The following THSD4 variants were observed in gnomAD, a reference collection of about 807,000 sequenced individuals.
THSD4 encodes the protein thrombospondin type-1 domain-containing protein 4.
THSD4 carries 69 observed loss-of-function variants against 119.0 expected under a neutral mutation model. The observed-to-expected ratio is 0.58, with a 90% CI of 0.48 to 0.71. The LOEUF is 0.71. Among genes scored for constraint, THSD4 ranks in the 30% least tolerant of loss-of-function variants. THSD4 has a pLI of 0.00. For synonymous variants in THSD4, 524 were observed against 540.4 expected (o/e 0.97, Z 0.42); for missense variants, 1,393 against 1,391.1 (o/e 1.00, Z -0.02).
intron 8 of THSD4, among the ~76,000 whole-genome samples, chr15:71,680,342 C>T (rs989369621): frequency 1.3e-5 from 2 of 152,192 alleles, no homozygotes; most frequent in African/African-American, 4.8e-5. Flanking sequence ...AGCATAGATC[C>T]TGTCCTACAT....
chr15:71,341,694 C>G, intron 6 of THSD4: 1 of 1,273,958 alleles, frequency 7.8e-7, no homozygotes, highest in Non-Finnish European at 1.1e-6. Flanking sequence ...TTCTCCGGGT[C>G]AAGTGAATAG....
intron 7 of THSD4, among the ~76,000 whole-genome samples, chr15:71,651,882 G>A (rs1294130160): frequency 2.0e-5 from 3 of 152,168 alleles, no homozygotes; most frequent in Non-Finnish European, 4.4e-5. Context: ...GTGCCATCTT[G>A]TGGAGAAAAA....
rs200233614 is a variant in THSD4, at chr15:71,371,668, C to A, written c.1016-40019C>A. The stretch of plus-strand genomic sequence containing the variant: ...GATCCACTGTTAGTCTGATGGGCTT[C>A]CCTTTGTGGGTAAACCGACCTTTCT... On this transcript the variant is annotated intron_variant, in intron 6 of 17. Transcript: ENST00000261862. Among the ~76,000 whole-genome samples, 7 of 152,296 alleles carry A rather than the reference C, an allele frequency of 4.6e-5. No homozygotes were observed. In the East Asian group the frequency reaches 1.3e-3, roughly 29 times the overall value.
intron 6 of THSD4, among the ~76,000 whole-genome samples, chr15:71,374,212 A>T (rs919189038): frequency 6.6e-6 from 1 of 152,128 alleles, no homozygotes; most frequent in Non-Finnish European, 1.5e-5. Context: ...CAAATGGGGG[A>T]TGCAGAGGGA....
chr15:71,239,781 C>T (rs1374792107), intron 4 of THSD4, among the ~76,000 whole-genome samples: 1 of 152,152 alleles, frequency 6.6e-6, no homozygotes, highest in Non-Finnish European at 1.5e-5. Flanking sequence ...TCCGTGGAGG[C>T]CCCCCTGCAA....
intron 15 of THSD4, among the ~76,000 whole-genome samples, chr15:71,760,090 T>C (rs2053605217): frequency 6.6e-6 from 1 of 152,192 alleles, no homozygotes; most frequent in Non-Finnish European, 1.5e-5. Context: ...AAATGTTCCT[T>C]CTCACCATAT....
chr15:71,449,304 G>C (rs748902052), intron 7 of THSD4, among the ~76,000 whole-genome samples: 4 of 152,166 alleles, frequency 2.6e-5, no homozygotes, highest in African/African-American at 4.8e-5. Context: ...TAAAACTCTT[G>C]TTCCACTGAA....
At chr15:71,764,453 A>T (rs2053680921) in intron 15 of THSD4, among the ~76,000 whole-genome samples, 2 of 152,240 alleles carry the variant, frequency 1.3e-5, no homozygotes, top group Admixed American at 6.5e-5. Flanking sequence ...TTAGGAAACA[A>T]GAAGATTGGG....
chr15:71,690,444 G>A (rs2052022727), intron 8 of THSD4, among the ~76,000 whole-genome samples: 1 of 152,184 alleles, frequency 6.6e-6, no homozygotes, highest in Non-Finnish European at 1.5e-5. Flanking sequence ...ATACATGCCT[G>A]ACTGGGGCGT....
chr15:71,407,309 C>T (rs1338519548), intron 6 of THSD4, among the ~76,000 whole-genome samples: 1 of 152,182 alleles, frequency 6.6e-6, no homozygotes, highest in Non-Finnish European at 1.5e-5. Flanking sequence ...CGTAGCTTTG[C>T]TGCTTTTATT....
intron 6 of THSD4, among the ~76,000 whole-genome samples, chr15:71,319,901 T>TA (rs1252925928): frequency 6.6e-6 from 1 of 152,226 alleles, no homozygotes; most frequent in African/African-American, 2.4e-5. Context: ...AATTCTTTAT[T>TA]ACAGGAGTTC....
At chr15:71,497,925 G>C (rs2048051778) in intron 7 of THSD4, among the ~76,000 whole-genome samples, 1 of 152,172 alleles carries the variant, frequency 6.6e-6, no homozygotes, top group Non-Finnish European at 1.5e-5. Flanking sequence ...TTTACAGATA[G>C]AATGGCTGGT....
intron 7 of THSD4, among the ~76,000 whole-genome samples, chr15:71,654,646 A>T (rs2051154335): frequency 6.6e-6 from 1 of 152,232 alleles, no homozygotes; most frequent in Non-Finnish European, 1.5e-5. Context: ...ATTTCTTTCA[A>T]CAGAATGTCA....
chr15:71,400,644 T>C (rs1224062034), intron 6 of THSD4, among the ~76,000 whole-genome samples: 5 of 152,182 alleles, frequency 3.3e-5, no homozygotes, highest in Non-Finnish European at 5.9e-5. Flanking sequence ...TTGCTTTGCT[T>C]TGAGCAAGCA....
chr15:71,667,070 C>T (rs1255051707), intron 8 of THSD4, among the ~76,000 whole-genome samples: 3 of 152,220 alleles, frequency 2.0e-5, no homozygotes, highest in Non-Finnish European at 4.4e-5. Flanking sequence ...ACCAATGAAA[C>T]TCTGCAGACT....
At chr15:71,521,502 C>T (rs557453831) in intron 7 of THSD4, among the ~76,000 whole-genome samples, 2 of 152,280 alleles carry the variant, frequency 1.3e-5, no homozygotes, top group African/African-American at 2.4e-5. Flanking sequence ...TCTTAGGCTC[C>T]GTGATCCTGG....
intron 8 of THSD4, among the ~76,000 whole-genome samples, chr15:71,689,714 C>A (rs532507193): frequency 6.6e-6 from 1 of 152,194 alleles, no homozygotes; most frequent in South Asian, 2.1e-4. Context: ...GGAACTGATA[C>A]CATCACCCTC....
At chr15:71,300,025 T>C (rs1166362839) in intron 6 of THSD4, among the ~76,000 whole-genome samples, 2 of 148,042 alleles carry the variant, frequency 1.4e-5, no homozygotes, top group Non-Finnish European at 3.0e-5. Context: ...GTGGCAGGCA[T>C]CTGTGGTCCC....
intron 8 of THSD4, among the ~76,000 whole-genome samples, chr15:71,690,839 C>G (rs1467009201): frequency 2.0e-5 from 3 of 152,134 alleles, no homozygotes; most frequent in African/African-American, 7.2e-5. Flanking sequence ...AGACCTGCCC[C>G]CATGATTCAA....
Sources: allele counts gnomAD v4.1 joint callset (sites outside exome capture counted in the v4.1 genomes callset), GRCh38; gene constraint gnomAD v4.1.1; transcripts MANE v1.5; gene names NCBI Gene and HGNC (gene_info 2026-07-23, HGNC 2026-07-21).